Variants in COQ8A observed in about 807,000 individuals in gnomAD.
COQ8A encodes the protein coenzyme Q8A, also known as atypical kinase COQ8A, mitochondrial.
COQ8A carries 51 observed loss-of-function variants against 65.0 expected under a neutral mutation model. The ratio of observed to expected loss-of-function variants is 0.78; its 90% CI spans 0.63 to 0.99. The LOEUF (loss-of-function observed/expected upper bound fraction) is 0.99. COQ8A is among the 50% of genes least tolerant of loss of function. The pLI, the probability that COQ8A is intolerant of heterozygous loss-of-function variation, is 0.00. For synonymous variants in COQ8A, 371 were observed against 353.2 expected, an observed-to-expected ratio of 1.05 and a Z score of -0.57; for missense variants, 940 against 875.0, an observed-to-expected ratio of 1.07 and a Z score of -0.94.
At chr1:226,941,116 G>T (rs544437572) in intron 1 of COQ8A, among the ~76,000 whole-genome samples, 1 of 152,220 alleles carries the variant, frequency 6.6e-6, no homozygotes, top group Non-Finnish European at 1.5e-5. Flanking sequence ...GGGCGATGGG[G>T]AGTGCTGCAG....
At chr1:226,963,390 A>G (rs898753885) in intron 2 of COQ8A, among the ~76,000 whole-genome samples, 18 of 152,152 alleles carry the variant, frequency 1.2e-4, no homozygotes, top group Non-Finnish European at 2.4e-4. Context: ...TTCCACATTC[A>G]TTCAGCAGAT....
rs751845468 is a variant in COQ8A at position 226,983,789 on chromosome 1, G to A, written c.1191G>A (p.Val397=). ...EGLFPEHLID[V]LRRELALECD... is the part of the protein sequence containing the mutation. ...TGTTCCCCGAGCACCTGATCGACGT[G>A]CTGAGGCGGGAGCTGGCCCTGGAGT... The change falls in exon 10 of 15, where the codon GTG becomes GTA. Residue 397 remains valine, a synonymous_variant. Coordinates refer to ENST00000366777, the MANE Select transcript of COQ8A (RefSeq NM_020247.5). 8.1e-6 allele frequency: 13 copies of A among 1,612,856 alleles called. No individual in the cohort carries two copies. The South Asian group carries it at 1.1e-4, about 14-fold the overall frequency.
At chr1:226,978,325 A>G (rs1659406269) in intron 5 of COQ8A, among the ~76,000 whole-genome samples, 1 of 97,556 alleles carries the variant, frequency 1.0e-5, no homozygotes, top group Non-Finnish European at 2.0e-5. Context: ...ACACCTGCAC[A>G]CCTCTTTATC....
chr1:226,951,193 G>A (rs1395659506), intron 1 of COQ8A, among the ~76,000 whole-genome samples: 2 of 152,220 alleles, frequency 1.3e-5, no homozygotes, highest in East Asian at 1.9e-4. Flanking sequence ...ACCCACGTCA[G>A]TGCTTGCCTT....
At chr1:226,973,139 C>T (rs999775730) in intron 4 of COQ8A, among the ~76,000 whole-genome samples, 8 of 152,248 alleles carry the variant, frequency 5.3e-5, no homozygotes, top group African/African-American at 1.4e-4. Flanking sequence ...CAGGCAGTGA[C>T]GCCAGCCTGA....
At chr1:226,980,586 C>T (rs377585577) in intron 5 of COQ8A, among the ~76,000 whole-genome samples, 1 of 152,228 alleles carries the variant, frequency 6.6e-6, no homozygotes, top group Non-Finnish European at 1.5e-5. Flanking sequence ...CTGCTGCTGC[C>T]TAAGGCAAGG....
chr1:226,986,669 C>T lies in COQ8A; in HGVS notation c.1876C>T (p.Arg626Cys), dbSNP rs141725964. The T allele has an allele frequency of 5.6e-4, 909 of 1,614,118 alleles. 8 individuals are homozygous for T. The highest frequency in any genetic ancestry group is 4.2e-3 in the South Asian group (383 of 91,076). Residue 626 changes from arginine to cysteine, a missense_variant, in exon 15 of 15, where the codon CGC (arginine) becomes TGC (cysteine). Arg to Cys is a radical substitution (Grantham distance 180, BLOSUM62 -3). Coordinates refer to ENST00000366777, the MANE Select transcript of COQ8A (RefSeq NM_020247.5). ...SFLICSKLKARFPCKAMFEEA... is the reference protein window; with the variant it reads ...SFLICSKLKACFPCKAMFEEA... The stretch of plus-strand genomic sequence containing the variant: ...CCTCATCTGCTCCAAGCTGAAGGCC[C>T]GCTTCCCCTGCAAGGCCATGTTCGA...
At chr1:226,958,163 C>T (rs1057133273) in intron 1 of COQ8A, 5 of 152,128 alleles carry the variant, frequency 3.3e-5, no homozygotes, top group Non-Finnish European at 7.4e-5. Flanking sequence ...ATATTTGATC[C>T]TCATGTTTCA....
At chr1:226,984,360 G>A in intron 11 of COQ8A, 125 bp downstream of exon 11, 3 of 1,451,966 alleles carry the variant, frequency 2.1e-6, no homozygotes, top group Non-Finnish European at 2.8e-6. Flanking sequence ...GGGCAGTGAA[G>A]TAGCACCAGT....
At chr1:226,975,930 A>G (rs1232391476) in intron 4 of COQ8A, among the ~76,000 whole-genome samples, 1 of 152,232 alleles carries the variant, frequency 6.6e-6, no homozygotes, top group African/African-American at 2.4e-5. Context: ...CATAAAAGTC[A>G]TGCATAATCA....
In COQ8A at chr1:226,983,765, G is replaced by A; in HGVS notation, c.1167G>A (p.Leu389=). The A allele has an allele frequency of 6.2e-7, 1 of 1,613,110 alleles. No individual in the cohort carries two copies. The highest frequency in any genetic ancestry group is 1.7e-5 in the Admixed American group (1 of 60,022). ...LNMSNMLPEG[L]FPEHLIDVLR... Reference sequence around the variant, plus strand: ...ATGCCCTCCTCCCTGGCCCAGGCCTGTTCCCCGAGCACCTGATCGACGTGC... The same window carrying A: ...ATGCCCTCCTCCCTGGCCCAGGCCTATTCCCCGAGCACCTGATCGACGTGC... Residue 389 remains leucine, a synonymous_variant, in exon 10 of 15, where the codon CTG becomes CTA. Transcript: ENST00000366777.
At chr1:226,958,564 G>A (rs992786099) in intron 1 of COQ8A, among the ~76,000 whole-genome samples, 14 of 152,176 alleles carry the variant, frequency 9.2e-5, no homozygotes, top group South Asian at 2.1e-4. Flanking sequence ...CAGGTTCATC[G>A]GGGCCTGCAG....
intron 8 of COQ8A, 37 bp downstream of exon 8, chr1:226,983,071 G>T: frequency 6.4e-7 from 1 of 1,557,714 alleles, no homozygotes; most frequent in East Asian, 2.4e-5. Context: ...TCCCTATGGG[G>T]GCTGCAAGGG....
intron 4 of COQ8A, among the ~76,000 whole-genome samples, chr1:226,967,381 C>T (rs1389524232): frequency 6.6e-6 from 1 of 152,174 alleles, no homozygotes; most frequent in Non-Finnish European, 1.5e-5. Flanking sequence ...GTGAGCCTGT[C>T]CCTGGAAGGC....
chr1:226,970,891 C>T (rs1381878083), intron 4 of COQ8A, among the ~76,000 whole-genome samples: 1 of 152,126 alleles, frequency 6.6e-6, no homozygotes, highest in Non-Finnish European at 1.5e-5. Flanking sequence ...TCTCCTCTCT[C>T]TTACAGTGTA....
intron 4 of COQ8A, among the ~76,000 whole-genome samples, chr1:226,968,600 G>A (rs1368732928): frequency 6.6e-6 from 1 of 152,106 alleles, no homozygotes; most frequent in African/African-American, 2.4e-5. Context: ...TTTTTCAGGT[G>A]CAGACTGACA....
Position 226,982,945 on chromosome 1 carries a change from T to G in COQ8A, c.991T>G (p.Phe331Val), listed in dbSNP as rs201334858. 1 of 1,610,402 alleles carries G rather than the reference T, an allele frequency of 6.2e-7. No individual in the cohort carries two copies. The highest frequency in any genetic ancestry group is 8.5e-7 in the Non-Finnish European group (1 of 1,178,934). ...GPNWRDKLEY[F>V]EERPFAAASI... Reference sequence around the variant, plus strand: ...CAACTGGCGGGACAAGTTGGAATACTTCGAGGAGCGGCCCTTCGCCGCCGC... The same window carrying G: ...CAACTGGCGGGACAAGTTGGAATACGTCGAGGAGCGGCCCTTCGCCGCCGC... The change falls in exon 8 of 15, where the codon TTC (phenylalanine) becomes GTC (valine). Residue 331 changes from phenylalanine (F) to valine (V), a missense_variant. Physicochemically the swap from Phe to Val is conservative, Grantham distance 50 (BLOSUM62 -1). Coordinates refer to ENST00000366777, the MANE Select transcript of COQ8A (RefSeq NM_020247.5).
rs1658248051 is a variant in COQ8A, at chr1:226,961,460, C to A, written c.75C>A (p.Thr25=). ...LVKLTQAAVE[T]HLQHLGIGGE... ...AGCTGACCCAGGCGGCCGTGGAAAC[C>A]CACCTGCAGCACTTGGGCATCGGAG... The change falls in exon 2 of 15, where the codon ACC becomes ACA. Residue 25 remains threonine, a synonymous_variant. Transcript: ENST00000366777. 2 of 1,613,756 alleles carry A rather than the reference C, an allele frequency of 1.2e-6. No individual in the cohort carries two copies. Among genetic ancestry groups the A allele is most frequent in the Admixed American group, 3.3e-5 (2 of 60,016 alleles).
At position 226,964,252 on chromosome 1, in the gene COQ8A, G is replaced by A. The variant is rs140998648; in HGVS notation, c.178-748G>A. Among the ~76,000 whole-genome samples, 519 of 152,326 alleles carry A rather than the reference G, an allele frequency of 3.4e-3. 3 individuals carry two copies. The highest frequency in any genetic ancestry group is 0.011 in the African/African-American group (472 of 41,572). ...TGGGTGCTGTTTCCTGGCCCTGTCT[G>A]TGGCCTCCAGTAACTGTGACTGTGA... On this transcript the variant is annotated intron_variant, in intron 2 of 14. Transcript: ENST00000366777.
Sources: allele counts gnomAD v4.1 joint callset (sites outside exome capture counted in the v4.1 genomes callset), GRCh38; gene constraint gnomAD v4.1.1; transcripts MANE v1.5; gene names NCBI Gene and HGNC (gene_info 2026-07-23, HGNC 2026-07-21).